NAF1: variants seen among roughly 807,000 people sequenced by gnomAD.
The protein encoded by NAF1 is H/ACA ribonucleoprotein complex non-core subunit NAF1.
A neutral mutation model predicts 40.6 loss-of-function variants in NAF1; 11 were observed. That is an observed-to-expected ratio of 0.27 (90% CI 0.17 to 0.45). The LOEUF (loss-of-function observed/expected upper bound fraction) is 0.45, where lower values mean the gene tolerates loss of function less well. Among genes scored for constraint, NAF1 ranks in the 20% least tolerant of loss-of-function variants. NAF1 has a pLI of 1.00. For synonymous variants in NAF1, 260 were observed against 228.5 expected (o/e 1.14, Z -1.24); for missense variants, 607 against 611.1 (o/e 0.99, Z 0.07).
intron 2 of NAF1, among the ~76,000 whole-genome samples, chr4:163,115,365 C>T (rs367593715): frequency 9.9e-5 from 15 of 151,938 alleles, no homozygotes; most frequent in Admixed American, 2.0e-4. Context: ...CCCACCACCG[C>T]GCCAGGCTAA....
intron 2 of NAF1, among the ~76,000 whole-genome samples, chr4:163,162,016 T>C (rs1732245679): frequency 6.6e-6 from 1 of 152,160 alleles, no homozygotes; most frequent in South Asian, 2.1e-4. Flanking sequence ...CACACTCGCC[T>C]ACACAAACAG....
In NAF1 at chr4:163,129,232, G is replaced by C. The variant is rs748104929; in HGVS notation, c.1150C>G (p.Arg384Gly). 1 of 1,613,708 alleles carries C rather than the reference G, an allele frequency of 6.2e-7. No individual in the cohort carries two copies. Among genetic ancestry groups the C allele is most frequent in the East Asian group, 2.2e-5 (1 of 44,868 alleles). Residue 384 changes from arginine to glycine, a missense_variant, in exon 8 of 8, where the codon CGA (arginine) becomes GGA (glycine). Coordinates refer to ENST00000274054, the MANE Select transcript of NAF1 (RefSeq NM_138386.3). ...TRGFSRARYPRSCHGRPPPQH... is the reference protein window; with the variant it reads ...TRGFSRARYPGSCHGRPPPQH... Reference sequence around the variant, plus strand: ...GGTGGAGGCCTGCCATGGCAAGATCGAGGGTATCTGGCCCTGGAAAATCCT... The same window carrying C: ...GGTGGAGGCCTGCCATGGCAAGATCCAGGGTATCTGGCCCTGGAAAATCCT...
At chr4:163,137,376 T>C in intron 5 of NAF1, 126 bp from the exon 6 acceptor site, 1 of 931,864 alleles carries the variant, frequency 1.1e-6, no homozygotes, top group Non-Finnish European at 1.5e-6. Flanking sequence ...TGCAATACAG[T>C]TATGTGTCTT....
chr4:163,163,502 A>C (rs540768939), intron 2 of NAF1, among the ~76,000 whole-genome samples: 1 of 152,282 alleles, frequency 6.6e-6, no homozygotes, highest in South Asian at 2.1e-4. Flanking sequence ...TAGAAAAAAA[A>C]CAATGTGATA....
At chr4:163,132,296 C>T (rs1350132886) in intron 7 of NAF1, among the ~76,000 whole-genome samples, 1 of 152,174 alleles carries the variant, frequency 6.6e-6, no homozygotes, top group African/African-American at 2.4e-5. Flanking sequence ...TTCCTAATAA[C>T]CCCAAAATGG....
downstream of NAF1, among the ~76,000 whole-genome samples, chr4:163,124,159 C>A (rs955896790): frequency 2.6e-5 from 4 of 152,190 alleles, no homozygotes; most frequent in African/African-American, 9.7e-5. Context: ...TGTCCGAGGG[C>A]AGCTAAGACA....
chr4:163,160,656 C>A (rs1044179963), intron 2 of NAF1, among the ~76,000 whole-genome samples: 8 of 152,042 alleles, frequency 5.3e-5, no homozygotes, highest in East Asian at 1.9e-4. Flanking sequence ...TAGGAAACTG[C>A]TAGAAAACTC....
At chr4:163,107,479 C>T (rs895065069), downstream of NAF1, among the ~76,000 whole-genome samples, 4 of 152,166 alleles carry the variant, frequency 2.6e-5, no homozygotes, top group African/African-American at 9.7e-5. Flanking sequence ...CAGAGCTTTC[C>T]CTCTTTCTGT....
chr4:163,147,709 AAAGTT>A (rs2110971736), intron 3 of NAF1, among the ~76,000 whole-genome samples: 1 of 152,362 alleles, frequency 6.6e-6, no homozygotes, highest in South Asian at 2.1e-4. Context: ...AGATGTGATT[AAAGTT>A]AAGGACCACG....
chr4:163,109,175 T>G (rs1033250510), downstream of NAF1, among the ~76,000 whole-genome samples: 8 of 151,174 alleles, frequency 5.3e-5, no homozygotes, highest in Non-Finnish European at 8.8e-5. Flanking sequence ...TTTTTTTTTT[T>G]TCACATGGAA....
chr4:163,146,235 CTTCT>C (rs1353640849), intron 3 of NAF1, among the ~76,000 whole-genome samples: 1 of 152,128 alleles, frequency 6.6e-6, no homozygotes, highest in Non-Finnish European at 1.5e-5. Context: ...AGAAATTAGT[CTTCT>C]TTCTCACTCT....
At chr4:163,142,914 C>A (rs1402850327) in intron 4 of NAF1, among the ~76,000 whole-genome samples, 1 of 152,174 alleles carries the variant, frequency 6.6e-6, no homozygotes, top group African/African-American at 2.4e-5. Flanking sequence ...ACCCATATCC[C>A]TTCTTGGTCA....
At chr4:163,123,088 A>C (rs544069768), downstream of NAF1, among the ~76,000 whole-genome samples, 16 of 152,336 alleles carry the variant, frequency 1.1e-4, no homozygotes, top group Non-Finnish European at 2.2e-4. Context: ...TACAGGTTGT[A>C]AAAGGAACAT....
chr4:163,166,428 T>G lies in NAF1; in HGVS notation c.300A>C (p.Gly100=), dbSNP rs750182715. 6.8e-6 allele frequency: 11 copies of G among 1,608,074 alleles called. No individual in the cohort carries two copies. The African/African-American group carries it at 1.3e-4, about 20-fold the overall frequency. ...CCGGCGCCCGCGCAGGCTCTGCGGC[T>G]CCTGGGGAGGTGACGCAGTCTCCGC... The part of the protein sequence containing the change: ...PACGDCVTSP[G]AAEPARAPDS... Residue 100 remains glycine (G), a synonymous_variant, in exon 1 of 8, where the codon GGA becomes GGC. Coordinates refer to ENST00000274054, the MANE Select transcript of NAF1 (RefSeq NM_138386.3).
intron 5 of NAF1, among the ~76,000 whole-genome samples, chr4:163,138,426 A>G (rs1421347142): frequency 1.3e-5 from 2 of 152,146 alleles, no homozygotes; most frequent in African/African-American, 4.8e-5. Context: ...TTCCCCAACT[A>G]GTGCGTCTAT....
intron 4 of NAF1, among the ~76,000 whole-genome samples, chr4:163,145,438 T>C (rs1050184280): frequency 2.0e-5 from 3 of 152,208 alleles, no homozygotes; most frequent in Non-Finnish European, 4.4e-5. Flanking sequence ...AGAGCTACTA[T>C]ACTATGGGAA....
chr4:163,114,738 T>C (rs1273925272), intron 2 of NAF1, among the ~76,000 whole-genome samples: 1 of 152,220 alleles, frequency 6.6e-6, no homozygotes, highest in Non-Finnish European at 1.5e-5. Flanking sequence ...TCCTCACAAA[T>C]GGGTGACATT....
At position 163,164,448 on chromosome 4, in the gene NAF1, A is replaced by G. The variant is rs1163691249; in HGVS notation, c.366-57T>C. The G allele has an allele frequency of 5.9e-6, 7 of 1,195,580 alleles. No individual in the cohort carries two copies. The East Asian group carries it at 1.8e-4, about 31-fold the overall frequency. The allele number at this position is 1,195,580 out of a possible 1,614,324, so 74.1% of individuals were successfully genotyped here. A position where few individuals can be genotyped will look rare whatever the true frequency, so the allele number is the denominator to read the frequency against. ...CCAGTATTATTATACTAATATTAAA[A>G]TAAGATTATTCAATTAAGAAATATC... On this transcript the variant is annotated intron_variant, in intron 1 of 7. Coordinates refer to ENST00000274054, the MANE Select transcript of NAF1 (RefSeq NM_138386.3).
intron 6 of NAF1, chr4:163,135,282 A>T (rs959777458): frequency 6.6e-6 from 1 of 152,208 alleles, no homozygotes; most frequent in African/African-American, 2.4e-5. Context: ...CCAGGCAATA[A>T]TTCTAGACTA....
Sources: allele counts gnomAD v4.1 joint callset (sites outside exome capture counted in the v4.1 genomes callset), GRCh38; gene constraint gnomAD v4.1.1; transcripts MANE v1.5; gene names NCBI Gene and HGNC (gene_info 2026-07-23, HGNC 2026-07-21).